DCLK2: variants seen among roughly 807,000 people sequenced by gnomAD.
DCLK2 encodes the protein serine/threonine-protein kinase DCLK2.
DCLK2 carries 31 observed loss-of-function variants against 78.4 expected under a neutral mutation model. The ratio of observed to expected loss-of-function variants is 0.40; its 90% CI spans 0.30 to 0.53. DCLK2 has a LOEUF of 0.53. DCLK2 is among the 20% of genes least tolerant of loss of function. The probability of loss-of-function intolerance (pLI) is 0.61; values close to 1 mark genes in which losing one functional copy is unlikely to be tolerated. For missense variants in DCLK2, 872 were observed against 973.7 expected, an observed-to-expected ratio of 0.90 and a Z score of 1.39; for synonymous variants, 407 against 374.9, an observed-to-expected ratio of 1.09 and a Z score of -0.99.
intron 9 of DCLK2, 110 bp from the exon 10 acceptor site, chr4:150,232,572 A>G (rs1742160627): frequency 6.5e-7 from 1 of 1,528,416 alleles, no homozygotes; most frequent in Non-Finnish European, 8.9e-7. Context: ...ATAATCGCCG[A>G]TTTTAGTGGC....
At chr4:150,174,160 G>A (rs540627759) in intron 2 of DCLK2, among the ~76,000 whole-genome samples, 6 of 152,132 alleles carry the variant, frequency 3.9e-5, no homozygotes, top group Non-Finnish European at 5.9e-5. Context: ...AGGCACAGAC[G>A]CATGTGCACA....
chr4:150,103,032 A>G (rs1345925639), intron 2 of DCLK2, among the ~76,000 whole-genome samples: 1 of 152,208 alleles, frequency 6.6e-6, no homozygotes, highest in Non-Finnish European at 1.5e-5. Context: ...AAAAGTGATT[A>G]TAGAGAAGTC....
At chr4:150,121,046 G>A (rs1381630531) in intron 2 of DCLK2, among the ~76,000 whole-genome samples, 2 of 151,978 alleles carry the variant, frequency 1.3e-5, no homozygotes, top group East Asian at 3.9e-4. Flanking sequence ...ACTCCAGCCT[G>A]GGCAACAAGA....
intron 2 of DCLK2, among the ~76,000 whole-genome samples, chr4:150,180,597 T>G (rs941586691): frequency 6.6e-6 from 1 of 152,178 alleles, no homozygotes; most frequent in African/African-American, 2.4e-5. Context: ...TTCTGACTTC[T>G]TCACCTGAGT....
chr4:150,244,479 TC>T (rs2126613634), intron 12 of DCLK2, among the ~76,000 whole-genome samples: 1 of 152,364 alleles, frequency 6.6e-6, no homozygotes, highest in Non-Finnish European at 1.5e-5. Flanking sequence ...GTTTACCTTT[TC>T]TGAATTATAA....
intron 2 of DCLK2, among the ~76,000 whole-genome samples, chr4:150,122,228 A>G (rs532618093): frequency 5.7e-4 from 87 of 152,332 alleles, no homozygotes; most frequent in African/African-American, 2.0e-3. Context: ...TTGTCATTTC[A>G]ACAATAGAGC....
chr4:150,084,698 A>G (rs566382057), intron 1 of DCLK2, among the ~76,000 whole-genome samples: 1 of 152,322 alleles, frequency 6.6e-6, no homozygotes, highest in South Asian at 2.1e-4. Context: ...TTTTTAAACT[A>G]TGGAAAAGGA....
At chr4:150,215,232 G>A (rs1027902385) in intron 5 of DCLK2, among the ~76,000 whole-genome samples, 3 of 152,052 alleles carry the variant, frequency 2.0e-5, no homozygotes, top group Non-Finnish European at 4.4e-5. Flanking sequence ...GATGAGTTTC[G>A]TTCCACCACC....
At chr4:150,221,317 GT>G (rs764898623) in intron 6 of DCLK2, among the ~76,000 whole-genome samples, 6,912 of 135,202 alleles carry the variant, frequency 0.051, 207 homozygotes, top group Non-Finnish European at 0.078. Context: ...TCCTTTCTTT[GT>G]TTTTTTTTTT....
intron 8 of DCLK2, among the ~76,000 whole-genome samples, chr4:150,232,132 A>G (rs986861686): frequency 7.2e-5 from 11 of 152,188 alleles, no homozygotes; most frequent in African/African-American, 2.7e-4. Flanking sequence ...AGGAGTCTGT[A>G]TCTTTTTGGT....
chr4:150,234,767 A>AAG (rs1553974211), intron 10 of DCLK2, among the ~76,000 whole-genome samples: 2 of 146,800 alleles, frequency 1.4e-5, no homozygotes, highest in Admixed American at 6.7e-5. Flanking sequence ...AAAAAAAAAA[A>AAG]GGGGGATTGT....
intron 2 of DCLK2, among the ~76,000 whole-genome samples, chr4:150,135,194 T>A (rs1014590610): frequency 1.5e-4 from 15 of 97,744 alleles, no homozygotes; most frequent in East Asian, 7.4e-4. Flanking sequence ...ACACACACAC[T>A]GTCTCTCTCA....
intron 2 of DCLK2, among the ~76,000 whole-genome samples, chr4:150,178,744 C>T (rs769230547): frequency 1.4e-4 from 21 of 152,160 alleles, no homozygotes; most frequent in African/African-American, 3.6e-4. Context: ...CTTTGTCATT[C>T]GGCAGTCTGA....
At chr4:150,170,196 A>G (rs1325667157) in intron 2 of DCLK2, among the ~76,000 whole-genome samples, 2 of 151,780 alleles carry the variant, frequency 1.3e-5, no homozygotes, top group Admixed American at 1.3e-4. Context: ...TGGGATTACC[A>G]CCATGTCTGG....
At chr4:150,089,546 AC>A in intron 1 of DCLK2, among the ~76,000 whole-genome samples, 1 of 152,242 alleles carries the variant, frequency 6.6e-6, no homozygotes, top group Non-Finnish European at 1.5e-5. Context: ...TCAAACTTTA[AC>A]AATGGTAGCC....
At chr4:150,123,934 G>T (rs2150186185) in intron 2 of DCLK2, among the ~76,000 whole-genome samples, 1 of 152,076 alleles carries the variant, frequency 6.6e-6, no homozygotes, top group South Asian at 2.1e-4. Context: ...CAGCTACTCG[G>T]GTGGCTGAGG....
At chr4:150,117,824 A>C (rs190804559) in intron 2 of DCLK2, among the ~76,000 whole-genome samples, 7 of 152,174 alleles carry the variant, frequency 4.6e-5, no homozygotes, top group East Asian at 1.9e-4. Context: ...TTTTCATGTT[A>C]AGTTCCTCTG....
chr4:150,232,201 A>G (rs1742127176), intron 8 of DCLK2, 136 bp from the exon 9 acceptor site: 2 of 1,074,322 alleles, frequency 1.9e-6, no homozygotes, highest in Non-Finnish European at 1.4e-6. Context: ...GGTCAGGTTT[A>G]GTTGTCTTTG....
intron 2 of DCLK2, among the ~76,000 whole-genome samples, chr4:150,109,714 G>A (rs1731530056): frequency 6.6e-6 from 1 of 152,164 alleles, no homozygotes; most frequent in African/African-American, 2.4e-5. Context: ...TGCAAAGTGT[G>A]GGTAGCCCTG....
Sources: allele counts gnomAD v4.1 joint callset (sites outside exome capture counted in the v4.1 genomes callset), GRCh38; gene constraint gnomAD v4.1.1; transcripts MANE v1.5; gene names NCBI Gene and HGNC (gene_info 2026-07-23, HGNC 2026-07-21).